Variants in SGMS1 observed in about 807,000 individuals in gnomAD.
SGMS1 encodes the protein sphingomyelin synthase 1.
SGMS1 carries 13 observed loss-of-function variants against 46.2 expected under a neutral mutation model. The observed-to-expected ratio is 0.28, with a 90% CI of 0.18 to 0.45. SGMS1 has a LOEUF of 0.45. SGMS1 is among the 20% of genes least tolerant of loss of function. The pLI is 1.00. For synonymous variants in SGMS1, 203 were observed against 187.8 expected (o/e 1.08, Z -0.66); for missense variants, 324 against 519.9 (o/e 0.62, Z 3.66).
chr10:50,452,850 C>T (rs1216814698), intron 5 of SGMS1, among the ~76,000 whole-genome samples: 2 of 152,176 alleles, frequency 1.3e-5, no homozygotes, highest in Non-Finnish European at 2.9e-5. Flanking sequence ...GGTGGAAAAT[C>T]TCCCTTGAGA....
chr10:50,619,932 C>G (rs372794291), intron 1 of SGMS1, among the ~76,000 whole-genome samples: 18 of 152,222 alleles, frequency 1.2e-4, no homozygotes, highest in African/African-American at 3.9e-4. Flanking sequence ...GTCTCTTTCT[C>G]TGTGTCTTTC....
At chr10:50,586,945 C>A (rs1481255031) in intron 2 of SGMS1, among the ~76,000 whole-genome samples, 2 of 152,192 alleles carry the variant, frequency 1.3e-5, no homozygotes, top group African/African-American at 2.4e-5. Flanking sequence ...CAATGGAATG[C>A]TCTAAAGAAA....
chr10:50,490,708 C>T (rs1837559916), intron 3 of SGMS1, among the ~76,000 whole-genome samples: 1 of 152,186 alleles, frequency 6.6e-6, no homozygotes. Flanking sequence ...CTACCACTTA[C>T]TATCTGTGGG....
intron 6 of SGMS1, among the ~76,000 whole-genome samples, chr10:50,429,714 CACACACACACACACACACACACACACAT>C (rs71029309): frequency 0.56 from 49,899 of 89,346 alleles, 10,129 homozygotes; most frequent in Non-Finnish European, 0.61. Flanking sequence ...CACACACACA[CACACACACACACACACACACACACACAT>C]ACTCTTTTCT....
At chr10:50,556,335 G>C (rs563239809) in intron 2 of SGMS1, among the ~76,000 whole-genome samples, 1 of 152,332 alleles carries the variant, frequency 6.6e-6, no homozygotes, top group East Asian at 1.9e-4. Flanking sequence ...TCAGACAAGT[G>C]CTAAGTGCCA....
At chr10:50,369,252 C>G (rs981424914) in intron 6 of SGMS1, among the ~76,000 whole-genome samples, 1 of 152,324 alleles carries the variant, frequency 6.6e-6, no homozygotes, top group Admixed American at 6.5e-5. Context: ...AATCTCAACA[C>G]TTTGGGTGGC....
At chr10:50,587,491 G>C (rs185581964) in intron 2 of SGMS1, among the ~76,000 whole-genome samples, 2 of 152,266 alleles carry the variant, frequency 1.3e-5, no homozygotes, top group Non-Finnish European at 2.9e-5. Context: ...AAATTAGCCT[G>C]GCATGGTGGC....
intron 6 of SGMS1, among the ~76,000 whole-genome samples, chr10:50,410,211 T>C (rs1849077074): frequency 6.6e-6 from 1 of 152,142 alleles, no homozygotes; most frequent in African/African-American, 2.4e-5. Flanking sequence ...GTTTTCTAAA[T>C]TGCAATAAAA....
intron 6 of SGMS1, among the ~76,000 whole-genome samples, chr10:50,408,431 T>TAAAAA (rs71029307): frequency 4.2e-5 from 4 of 95,218 alleles, no homozygotes; most frequent in Non-Finnish European, 6.3e-5. Context: ...CCTCATCTCT[T>TAAAAA]AAAAAAAAAA....
intron 3 of SGMS1, among the ~76,000 whole-genome samples, chr10:50,499,752 G>C (rs956544501): frequency 6.6e-6 from 1 of 152,224 alleles, no homozygotes; most frequent in African/African-American, 2.4e-5. Flanking sequence ...AAAAGGTAGA[G>C]TGCACATTGT....
At chr10:50,401,047 G>C (rs1258910532) in intron 6 of SGMS1, among the ~76,000 whole-genome samples, 3 of 152,134 alleles carry the variant, frequency 2.0e-5, no homozygotes, top group South Asian at 4.1e-4. Flanking sequence ...GACCTCAATG[G>C]GACTTGTGGC....
At chr10:50,619,954 T>C (rs1838833824) in intron 1 of SGMS1, among the ~76,000 whole-genome samples, 1 of 152,230 alleles carries the variant, frequency 6.6e-6, no homozygotes, top group African/African-American at 2.4e-5. Context: ...CTTCGCTGTC[T>C]GTGTGAGTCT....
chr10:50,625,015 T>C (rs907657577), upstream of SGMS1: 1 of 1,006,600 alleles, frequency 9.9e-7, no homozygotes, highest in South Asian at 3.4e-5. Context: ...GGGACCGTCC[T>C]CCCCCGCCAC....
intron 5 of SGMS1, among the ~76,000 whole-genome samples, chr10:50,451,480 C>G (rs891752540): frequency 6.6e-6 from 1 of 152,144 alleles, no homozygotes; most frequent in Non-Finnish European, 1.5e-5. Context: ...TTCCTTAATA[C>G]CATAATACAT....
At chr10:50,477,024 G>C (rs1347696620) in intron 3 of SGMS1, among the ~76,000 whole-genome samples, 1 of 152,266 alleles carries the variant, frequency 6.6e-6, no homozygotes, top group Admixed American at 6.5e-5. Flanking sequence ...GTACTGCCTA[G>C]TGGAGCTGCA....
intron 4 of SGMS1, among the ~76,000 whole-genome samples, 176 bp from the exon 5 acceptor site, chr10:50,460,990 CTT>C (rs1458038561): frequency 1.3e-5 from 2 of 150,976 alleles, no homozygotes; most frequent in East Asian, 3.9e-4. Flanking sequence ...CCCATTTTTT[CTT>C]TCTTTTCTAG....
In SGMS1 at chr10:50,623,781, C is replaced by G. The variant is rs1588896436; in HGVS notation, c.-758G>C. 1 of 985,528 alleles carries G rather than the reference C, an allele frequency of 1.0e-6. No individual in the cohort carries two copies. The highest frequency in any genetic ancestry group is 1.2e-6 in the Non-Finnish European group (1 of 830,020). 61.0% of individuals were successfully genotyped at this position (985,528 alleles called of 1,614,324 possible). A position where few individuals can be genotyped will look rare whatever the true frequency, so the allele number is the denominator to read the frequency against. On this transcript the variant is annotated 5_prime_UTR_variant, in exon 1 of 11. Transcript: ENST00000361781. ...CCGCGGAATGAAATCCGGGGCAGGG[C>G]AGCGTCGGGGCTCCGCACCCCAATC...
intron 1 of SGMS1, among the ~76,000 whole-genome samples, chr10:50,594,965 A>C (rs1438753187): frequency 1.3e-5 from 2 of 152,206 alleles, no homozygotes; most frequent in Non-Finnish European, 2.9e-5. Flanking sequence ...GAAGGAATTC[A>C]GTTATGCAGT....
intron 6 of SGMS1, among the ~76,000 whole-genome samples, chr10:50,406,472 G>C (rs1849016726): frequency 6.6e-6 from 1 of 152,130 alleles, no homozygotes; most frequent in Non-Finnish European, 1.5e-5. Context: ...AGTTTTGCTG[G>C]TGTGGCACTA....
Sources: gnomAD v4.1 joint callset for allele counts (sites outside exome capture counted in the v4.1 genomes callset) on GRCh38, gnomAD v4.1.1 for gene constraint, MANE v1.5 for transcripts, NCBI Gene and HGNC (gene_info 2026-07-23, HGNC 2026-07-21) for gene names.